Variants in DOCK3 observed in about 807,000 individuals in gnomAD.
The protein encoded by DOCK3 is dedicator of cytokinesis protein 3.
In DOCK3, 60 loss-of-function variants were observed where a neutral mutation model predicts 265.6. The observed-to-expected ratio is 0.23, with a 90% CI of 0.18 to 0.28. The LOEUF is 0.28. DOCK3 is among the 10% of genes least tolerant of loss of function. The pLI is 1.00. For missense variants in DOCK3, 1,981 were observed against 2,594.3 expected, an observed-to-expected ratio of 0.76 and a Z score of 5.14; for synonymous variants, 881 against 938.0, an observed-to-expected ratio of 0.94 and a Z score of 1.11.
At chr3:51,161,319 C>T (rs550859511) in intron 12 of DOCK3, among the ~76,000 whole-genome samples, 2 of 151,572 alleles carry the variant, frequency 1.3e-5, no homozygotes, top group South Asian at 4.2e-4. Flanking sequence ...TGGCGGACGC[C>T]TATAGTCCCA....
chr3:51,108,558 G>A (rs1334946363), intron 9 of DOCK3, among the ~76,000 whole-genome samples: 1 of 152,158 alleles, frequency 6.6e-6, no homozygotes, highest in Admixed American at 6.5e-5. Flanking sequence ...GGATGTAAAT[G>A]GGCAAAATGC....
chr3:50,773,099 C>A (rs1007383584), intron 1 of DOCK3, among the ~76,000 whole-genome samples: 1 of 152,082 alleles, frequency 6.6e-6, no homozygotes, highest in Admixed American at 6.6e-5. Context: ...ACACACAGAA[C>A]AATGGAACAG....
intron 49 of DOCK3, among the ~76,000 whole-genome samples, chr3:51,371,989 T>G (rs1576975395): frequency 6.6e-6 from 1 of 152,202 alleles, no homozygotes; most frequent in East Asian, 1.9e-4. Flanking sequence ...AAAGGTGCTG[T>G]GTGTTTTTCG....
At chr3:50,823,473 A>G (rs1265516069) in intron 2 of DOCK3, among the ~76,000 whole-genome samples, 1 of 152,240 alleles carries the variant, frequency 6.6e-6, no homozygotes, top group Admixed American at 6.5e-5. Context: ...CAGAGAGCAC[A>G]GGGTTGGGGG....
At chr3:50,933,357 A>G (rs2051175554) in intron 4 of DOCK3, among the ~76,000 whole-genome samples, 1 of 152,238 alleles carries the variant, frequency 6.6e-6, no homozygotes, top group South Asian at 2.1e-4. Flanking sequence ...CAGTTAGCAC[A>G]GGGACTGGCA....
At chr3:51,105,849 T>C (rs1228040534) in intron 9 of DOCK3, among the ~76,000 whole-genome samples, 1 of 152,142 alleles carries the variant, frequency 6.6e-6, no homozygotes, top group Non-Finnish European at 1.5e-5. Flanking sequence ...GGGGCTACCA[T>C]GCACCAGGAT....
At chr3:51,091,441 T>G (rs2082631804) in intron 9 of DOCK3, among the ~76,000 whole-genome samples, 7 of 152,172 alleles carry the variant, frequency 4.6e-5, no homozygotes, top group Admixed American at 4.6e-4. Context: ...GCCACCACTT[T>G]GGGAGGCCGA....
chr3:51,340,069 C>G (rs1171708043), intron 37 of DOCK3, among the ~76,000 whole-genome samples: 2 of 152,190 alleles, frequency 1.3e-5, no homozygotes, highest in Non-Finnish European at 2.9e-5. Context: ...TCTGCATCCA[C>G]TTGCACCCAT....
chr3:50,729,355 AT>A (rs372798370), intron 1 of DOCK3, among the ~76,000 whole-genome samples: 3 of 21,770 alleles, frequency 1.4e-4, no homozygotes, highest in Admixed American at 4.5e-4. Flanking sequence ...TTTTATTTTT[AT>A]TTTATTTATT....
At chr3:50,899,364 G>A (rs1382158631) in intron 4 of DOCK3, among the ~76,000 whole-genome samples, 1 of 152,048 alleles carries the variant, frequency 6.6e-6, no homozygotes, top group Non-Finnish European at 1.5e-5. Context: ...TTGAGCCTAT[G>A]TGTGTCTTTG....
At chr3:51,194,382 C>T (rs1383481267) in intron 12 of DOCK3, among the ~76,000 whole-genome samples, 1 of 152,122 alleles carries the variant, frequency 6.6e-6, no homozygotes, top group Non-Finnish European at 1.5e-5. Flanking sequence ...ATTCTGCAGT[C>T]GTTGGGTAGA....
chr3:50,736,938 C>T (rs374875380), intron 1 of DOCK3, among the ~76,000 whole-genome samples: 5 of 151,862 alleles, frequency 3.3e-5, no homozygotes, highest in Admixed American at 6.6e-5. Context: ...GTGATCCACC[C>T]GCCTCGGCCT....
intron 5 of DOCK3, among the ~76,000 whole-genome samples, chr3:51,028,400 C>T (rs1421848946): frequency 6.6e-6 from 1 of 151,494 alleles, no homozygotes; most frequent in East Asian, 1.9e-4. Context: ...TACTGTGTAA[C>T]TTTGGGATGT....
At chr3:51,190,884 C>T (rs2087899486) in intron 12 of DOCK3, among the ~76,000 whole-genome samples, 1 of 152,106 alleles carries the variant, frequency 6.6e-6, no homozygotes, top group African/African-American at 2.4e-5. Context: ...TCACAGAGAT[C>T]TCTGTGGAGA....
At chr3:51,136,620 C>G (rs2084817497) in intron 9 of DOCK3, among the ~76,000 whole-genome samples, 1 of 152,116 alleles carries the variant, frequency 6.6e-6, no homozygotes, top group Non-Finnish European at 1.5e-5. Flanking sequence ...TTCCACCAGA[C>G]TTGAGGACAG....
chr3:51,159,373 G>A, intron 11 of DOCK3, 69 bp downstream of exon 11: 1 of 1,455,268 alleles, frequency 6.9e-7, no homozygotes, highest in Non-Finnish European at 9.6e-7. Flanking sequence ...TCTTGTGCAT[G>A]AGCTTTGTTT....
At chr3:50,841,586 G>A (rs911099128) in intron 2 of DOCK3, 89 bp from the exon 3 acceptor site, 3 of 488,940 alleles carry the variant, frequency 6.1e-6, no homozygotes, top group Non-Finnish European at 1.0e-5. Flanking sequence ...GGAAAGATGT[G>A]CATTTATCTA....
intron 5 of DOCK3, among the ~76,000 whole-genome samples, chr3:50,966,732 G>C (rs1020150552): frequency 6.6e-6 from 1 of 152,004 alleles, no homozygotes; most frequent in Non-Finnish European, 1.5e-5. Flanking sequence ...GGGCTGTAGT[G>C]CATTATGCTG....
chr3:51,282,430 C>T (rs1384004335), intron 27 of DOCK3, among the ~76,000 whole-genome samples: 1 of 152,054 alleles, frequency 6.6e-6, no homozygotes, highest in African/African-American at 2.4e-5. Flanking sequence ...AGGCAGATCA[C>T]CTGAGGTCGG....
Sources: gnomAD v4.1 joint callset for allele counts (sites outside exome capture counted in the v4.1 genomes callset) on GRCh38, gnomAD v4.1.1 for gene constraint, MANE v1.5 for transcripts, NCBI Gene and HGNC (gene_info 2026-07-23, HGNC 2026-07-21) for gene names.